Variants in ALOX5AP observed in about 807,000 individuals in gnomAD.
The protein encoded by ALOX5AP is arachidonate 5-lipoxygenase-activating protein.
ALOX5AP carries 9 observed loss-of-function variants against 18.5 expected under a neutral mutation model. The ratio of observed to expected loss-of-function variants is 0.49; its 90% confidence interval spans 0.29 to 0.85. The LOEUF (loss-of-function observed/expected upper bound fraction) is 0.85. Among genes scored for constraint, ALOX5AP ranks in the 40% least tolerant of loss-of-function variants. ALOX5AP has a pLI of 0.08. For synonymous variants in ALOX5AP, 81 were observed against 78.6 expected (o/e 1.03, Z -0.16); for missense variants, 172 against 202.5 (o/e 0.85, Z 0.91).
At chr13:30,713,509 G>T in exon 1 of ALOX5AP, 1 of 544,362 alleles carries the variant, frequency 1.8e-6, no homozygotes, top group African/African-American at 1.9e-5. Context: ...AGGTGAAGGG[G>T]TCACAGCTCT....
At chr13:30,717,691 G>A (rs555644607) in intron 1 of ALOX5AP, among the ~76,000 whole-genome samples, 2 of 152,192 alleles carry the variant, frequency 1.3e-5, no homozygotes, top group African/African-American at 2.4e-5. Flanking sequence ...CATGTGGAGC[G>A]GGGGTGCACC....
chr13:30,745,026 A>G (rs540730161), intron 2 of ALOX5AP, among the ~76,000 whole-genome samples: 1 of 152,324 alleles, frequency 6.6e-6, no homozygotes, highest in East Asian at 1.9e-4. Context: ...AATGCCAAGA[A>G]TGGTGCAAAC....
At chr13:30,744,323 C>T in intron 2 of ALOX5AP, 164 bp downstream of exon 2, 2 of 599,816 alleles carry the variant, frequency 3.3e-6, no homozygotes, top group Admixed American at 2.7e-5. Context: ...TTGTGGACAC[C>T]CTTTATCATC....
At position 30,713,768 on chromosome 13, in the gene ALOX5AP, ACT is replaced by A. The variant is rs1375467098; in HGVS notation, c.46_47del (p.Leu16GlufsTer4). 3 of 1,535,514 alleles carry A rather than the reference ACT, an allele frequency of 2.0e-6. No homozygotes were observed. Among genetic ancestry groups the A allele is most frequent in the Admixed American group, 3.9e-5 (2 of 50,988 alleles). ...CGATGCTCCCTGGCATACACAGAAG[ACT>A]CTGAAAACTTCTGAATTTGGGAAAT... On this transcript the variant is annotated frameshift_variant, in exon 1 of 6. Transcript: ENST00000617770. LOFTEE classifies it high-confidence loss of function.
intron 1 of ALOX5AP, among the ~76,000 whole-genome samples, chr13:30,741,004 T>C (rs1214857413): frequency 6.6e-6 from 1 of 151,980 alleles, no homozygotes; most frequent in African/African-American, 2.4e-5. Flanking sequence ...GGGGGATTAG[T>C]TCTATGACCT....
chr13:30,724,551 G>A (rs11147435), intron 1 of ALOX5AP, among the ~76,000 whole-genome samples: 31,292 of 152,142 alleles, frequency 0.21, 4,234 homozygotes, highest in African/African-American at 0.37. Context: ...AAAGGAGGCT[G>A]TTTGGAGCCT....
intron 4 of ALOX5AP, among the ~76,000 whole-genome samples, chr13:30,756,437 C>A (rs1246818690): frequency 6.6e-6 from 1 of 152,126 alleles, no homozygotes; most frequent in Non-Finnish European, 1.5e-5. Context: ...AAGCTTGCAC[C>A]TTGTGATAAG....
intron 4 of ALOX5AP, among the ~76,000 whole-genome samples, chr13:30,761,831 C>T (rs1593447516): frequency 6.6e-6 from 1 of 152,322 alleles, no homozygotes; most frequent in East Asian, 1.9e-4. Context: ...GAGGATCCAC[C>T]CATATGAGTT....
At chr13:30,761,900 G>C (rs1951944916) in intron 4 of ALOX5AP, among the ~76,000 whole-genome samples, 1 of 152,172 alleles carries the variant, frequency 6.6e-6, no homozygotes, top group South Asian at 2.1e-4. Flanking sequence ...CCATTCTGAG[G>C]AACTGAGAGT....
At chr13:30,754,638 C>T (rs928736010) in intron 3 of ALOX5AP, among the ~76,000 whole-genome samples, 2 of 152,220 alleles carry the variant, frequency 1.3e-5, no homozygotes, top group Non-Finnish European at 2.9e-5. Flanking sequence ...ATTGATAATG[C>T]AGGTGGTGGT....
chr13:30,762,944 T>G (rs1377505172), intron 4 of ALOX5AP, among the ~76,000 whole-genome samples: 1 of 152,162 alleles, frequency 6.6e-6, no homozygotes, highest in African/African-American at 2.4e-5. Flanking sequence ...TGCATGCCAT[T>G]AGGAGGTCAC....
chr13:30,738,159 T>C (rs1326632252), intron 1 of ALOX5AP, among the ~76,000 whole-genome samples: 1 of 152,236 alleles, frequency 6.6e-6, no homozygotes, highest in African/African-American at 2.4e-5. Context: ...CATGCGCCCA[T>C]GACTGGGTTG....
At chr13:30,739,089 C>A (rs145155350) in intron 1 of ALOX5AP, among the ~76,000 whole-genome samples, 3 of 152,060 alleles carry the variant, frequency 2.0e-5, no homozygotes, top group Non-Finnish European at 2.9e-5. Flanking sequence ...CAACCACCCC[C>A]CTCCACCGCC....
chr13:30,749,371 G>C, intron 2 of ALOX5AP, among the ~76,000 whole-genome samples: 1 of 152,138 alleles, frequency 6.6e-6, no homozygotes, highest in East Asian at 1.9e-4. Flanking sequence ...GTACTAATAA[G>C]TTTTTAAACA....
intron 1 of ALOX5AP, among the ~76,000 whole-genome samples, chr13:30,739,501 C>T (rs549264240): frequency 1.3e-5 from 2 of 152,358 alleles, no homozygotes; most frequent in Admixed American, 1.3e-4. Context: ...GTAGCGCAAT[C>T]TCAGCTGACT....
chr13:30,722,136 T>C (rs1221842785), intron 1 of ALOX5AP, among the ~76,000 whole-genome samples: 1 of 152,236 alleles, frequency 6.6e-6, no homozygotes, highest in Non-Finnish European at 1.5e-5. Flanking sequence ...AAGGGTGGGA[T>C]TTCCAAGAAA....
intron 1 of ALOX5AP, among the ~76,000 whole-genome samples, chr13:30,714,558 G>T (rs551366954): frequency 1.5e-5 from 2 of 133,272 alleles, no homozygotes; most frequent in African/African-American, 5.6e-5. Flanking sequence ...GTGGCCGCTG[G>T]CAAGAGAGCT....
At chr13:30,735,460 G>C, upstream of ALOX5AP, 1 of 1,106,072 alleles carries the variant, frequency 9.0e-7, no homozygotes, top group Non-Finnish European at 1.2e-6. Flanking sequence ...AAAAAAAAAA[G>C]GAAGAAGAAG....
At chr13:30,747,147 G>T (rs1312309956) in intron 2 of ALOX5AP, among the ~76,000 whole-genome samples, 1 of 152,182 alleles carries the variant, frequency 6.6e-6, no homozygotes, top group Non-Finnish European at 1.5e-5. Flanking sequence ...ATTGGACCTG[G>T]ACTCTGTTCA....
Sources: gnomAD v4.1 joint callset for allele counts (sites outside exome capture counted in the v4.1 genomes callset) on GRCh38, gnomAD v4.1.1 for gene constraint, MANE v1.5 for transcripts, NCBI Gene and HGNC (gene_info 2026-07-23, HGNC 2026-07-21) for gene names.